PTGFRN: variants seen among roughly 807,000 people sequenced by gnomAD.
The protein encoded by PTGFRN is prostaglandin F2 receptor inhibitor, also known as prostaglandin F2 receptor negative regulator.
A neutral mutation model predicts 83.2 loss-of-function variants in PTGFRN; 35 were observed. That is an observed-to-expected ratio of 0.42 (90% CI 0.32 to 0.56). The LOEUF (loss-of-function observed/expected upper bound fraction) is 0.56, where lower values mean the gene tolerates loss of function less well. PTGFRN is among the 20% of genes least tolerant of loss of function. The probability of loss-of-function intolerance (pLI) is 0.11; values close to 1 mark genes in which losing one functional copy is unlikely to be tolerated. For missense variants in PTGFRN, 1,051 were observed against 1,179.5 expected, an observed-to-expected ratio of 0.89 and a Z score of 1.60; for synonymous variants, 519 against 498.6, an observed-to-expected ratio of 1.04 and a Z score of -0.55.
chr1:116,927,525 C>CTTTTTTTTT (rs1171564821), intron 1 of PTGFRN, among the ~76,000 whole-genome samples: 2,866 of 124,200 alleles, frequency 0.023, 459 homozygotes, highest in African/African-American at 0.11. Context: ...CCTTGCTTAC[C>CTTTTTTTTT]TTTTTTTTTT....
In PTGFRN at chr1:116,984,781, A is replaced by C; in HGVS notation, c.2269A>C (p.Thr757Pro). 6.2e-7 allele frequency: 1 copy of C among 1,613,246 alleles called. No individual in the cohort carries two copies. The highest frequency in any genetic ancestry group is 8.5e-7 in the Non-Finnish European group (1 of 1,179,830). The part of the protein sequence containing the change: ...SSLDRKGIVT[T>P]SRRDWKSDLS... ...CCTGGATCGGAAGGGCATCGTGACC[A>C]CCTCCCGGAGGGACTGGAAGAGCGA... Residue 757 changes from threonine (T) to proline (P), a missense_variant, in exon 8 of 9, where the codon ACC (threonine) becomes CCC (proline). Thr to Pro is a conservative substitution (Grantham distance 38). This residue lies in a region of PTGFRN where 719 missense variants were observed against 836.6 expected (regional missense o/e 0.86). Transcript: ENST00000393203.
chr1:116,985,474 G>A (rs977958890), intron 8 of PTGFRN, among the ~76,000 whole-genome samples: 51 of 152,094 alleles, frequency 3.4e-4, no homozygotes, highest in African/African-American at 1.2e-3. Flanking sequence ...CGAGGCGGGC[G>A]GATCATGAGG....
At chr1:116,974,891 A>G (rs185863562) in intron 7 of PTGFRN, among the ~76,000 whole-genome samples, 79 of 152,240 alleles carry the variant, frequency 5.2e-4, no homozygotes, top group African/African-American at 1.8e-3. Flanking sequence ...GACAGTAGGT[A>G]CAGCCCACCG....
At chr1:116,967,628 T>C (rs1041563869) in intron 6 of PTGFRN, among the ~76,000 whole-genome samples, 1 of 152,212 alleles carries the variant, frequency 6.6e-6, no homozygotes, top group Non-Finnish European at 1.5e-5. Context: ...TGATCTACTT[T>C]CTGTCTCTAT....
chr1:116,961,166 T>G lies in PTGFRN; in HGVS notation c.1214-77T>G. On this transcript the variant is annotated intron_variant, in intron 4 of 8. Transcript: ENST00000393203. This position sits in a 1 kb window ranked among gnomAD's most constrained non-coding sequence, Gnocchi z 5.4. ...TAATTGTTAAAACAAGAGCAGTCCT[T>G]GTCTCATTCCTTTTGTTAATTCTTG... 7.1e-7 allele frequency: 1 copy of G among 1,413,716 alleles called. No individual in the cohort carries two copies. The highest frequency in any genetic ancestry group is 9.5e-7 in the Non-Finnish European group (1 of 1,056,086). 87.6% of individuals were successfully genotyped at this position (1,413,716 alleles called of 1,614,324 possible). A position where few individuals can be genotyped will look rare whatever the true frequency, so the allele number is the denominator to read the frequency against.
rs60366817 is a variant in PTGFRN, at chr1:116,987,571, CTTTTTTT to C, written c.*617_*623del. ...TATAACTTCTTATTGAGCCCAACTG[CTTTTTTT>C]TTTTTTTTTTTTGCTTCTCTGCCCC... On this transcript the variant is annotated 3_prime_UTR_variant, in exon 9 of 9. Transcript: ENST00000393203. 2 of 119,850 alleles carry C rather than the reference CTTTTTTT, an allele frequency of 1.7e-5. No individual in the cohort carries two copies. The highest frequency in any genetic ancestry group is 3.4e-5 in the Non-Finnish European group (2 of 58,008). The allele number at this position is 119,850 out of a possible 1,614,324, so 7.4% of individuals were successfully genotyped here.
chr1:116,936,598 G>A (rs1649926290), intron 1 of PTGFRN, among the ~76,000 whole-genome samples: 1 of 152,232 alleles, frequency 6.6e-6, no homozygotes, highest in Admixed American at 6.5e-5. Flanking sequence ...AGAGATGGAT[G>A]AGAGGGTATT....
chr1:116,922,059 G>C (rs1570645170), intron 1 of PTGFRN, among the ~76,000 whole-genome samples: 1 of 152,154 alleles, frequency 6.6e-6, no homozygotes, highest in Non-Finnish European at 1.5e-5. Flanking sequence ...TAAACTCTGG[G>C]GAAGGGAGGT....
chr1:116,935,797 C>T (rs1164220774), intron 1 of PTGFRN, among the ~76,000 whole-genome samples: 2 of 151,962 alleles, frequency 1.3e-5, no homozygotes, highest in Non-Finnish European at 2.9e-5. Flanking sequence ...GGTCCATCAA[C>T]AGGTATTTTT....
In PTGFRN at chr1:116,967,009, T is replaced by G; in HGVS notation, c.1738T>G (p.Ser580Ala). The change falls in exon 6 of 9, where the codon TCG (serine) becomes GCG (alanine). Residue 580 changes from serine (S) to alanine (A), a missense_variant. This residue lies in a region of PTGFRN where 719 missense variants were observed against 836.6 expected (regional missense o/e 0.86). Coordinates refer to ENST00000393203, the MANE Select transcript of PTGFRN (RefSeq NM_020440.4). ...TCKVSSKNIK[S>A]PRYSVLIMAE... ...CAAAGTATCTTCCAAGAATATTAAG[T>G]CGCCACGCTACTCTGTTCTCATCAT... is the stretch of plus-strand genomic sequence containing the variant. 1.2e-6 allele frequency: 2 copies of G among 1,614,190 alleles called. No individual in the cohort carries two copies. The highest frequency in any genetic ancestry group is 1.7e-6 in the Non-Finnish European group (2 of 1,180,040).
chr1:116,947,737 G>A (rs1361350996), intron 3 of PTGFRN, among the ~76,000 whole-genome samples: 1 of 152,196 alleles, frequency 6.6e-6, no homozygotes, highest in Non-Finnish European at 1.5e-5. Context: ...CTGGCCACAA[G>A]CTTTGACTGT....
At position 116,945,744 on chromosome 1, in the gene PTGFRN, CTT is replaced by C. The variant is rs5777292; in HGVS notation, c.832+668_832+669del. 2.3e-3 allele frequency among the ~76,000 whole-genome samples: 305 copies of C among 130,316 alleles called. 2 individuals carry two copies. Among genetic ancestry groups the C allele is most frequent in the African/African-American group, 7.3e-3 (260 of 35,578 alleles). 85.5% of individuals were successfully genotyped at this position (130,316 alleles called of 152,430 possible). ...CTTTGTCCTGTCGTCTGTGAATCAG[CTT>C]TTTTTTTTTTTTTTTCAAACCCTCT... On this transcript the variant is annotated intron_variant, in intron 3 of 8. Transcript: ENST00000393203.
chr1:116,978,978 C>T (rs943932750), intron 7 of PTGFRN, among the ~76,000 whole-genome samples: 14 of 152,274 alleles, frequency 9.2e-5, no homozygotes, highest in East Asian at 1.9e-4. Context: ...AAAACCCCAT[C>T]GTCTCAGCCC....
chr1:116,928,642 C>CA (rs139448794), intron 1 of PTGFRN, among the ~76,000 whole-genome samples: 7,122 of 152,274 alleles, frequency 0.047, 214 homozygotes, highest in Non-Finnish European at 0.07. Context: ...CAGCTCAGCT[C>CA]TCCTTTGTGT....
At chr1:116,966,037 A>G (rs535091858) in intron 5 of PTGFRN, among the ~76,000 whole-genome samples, 1 of 152,328 alleles carries the variant, frequency 6.6e-6, no homozygotes, top group South Asian at 2.1e-4. Flanking sequence ...TAAAAATCTC[A>G]TCTTGTAACT....
At chr1:116,950,572 C>T (rs1204126999) in intron 4 of PTGFRN, among the ~76,000 whole-genome samples, 1 of 152,174 alleles carries the variant, frequency 6.6e-6, no homozygotes, top group East Asian at 1.9e-4. Flanking sequence ...CTATGACCTC[C>T]AACTCATACT....
chr1:116,933,298 A>T (rs1649842816), intron 1 of PTGFRN, among the ~76,000 whole-genome samples: 1 of 151,534 alleles, frequency 6.6e-6, no homozygotes, highest in African/African-American at 2.4e-5. Context: ...TCTAGAGATT[A>T]GAACACGTAT....
At position 116,987,205 on chromosome 1, in the gene PTGFRN, A is replaced by T; in HGVS notation, c.*238A>T. ...TAACAATCGAGTGTGTGTTTTCCCA[A>T]CTGCAGCTTTTTAATGGTTAACCTT... is the stretch of plus-strand genomic sequence containing the variant. On this transcript the variant is annotated 3_prime_UTR_variant, in exon 9 of 9. Coordinates refer to ENST00000393203, the MANE Select transcript of PTGFRN (RefSeq NM_020440.4). 2.1e-6 allele frequency: 1 copy of T among 466,756 alleles called. No individual in the cohort carries two copies. 28.9% of individuals were successfully genotyped at this position (466,756 alleles called of 1,614,324 possible).
chr1:116,914,836 CTGAG>C (rs1649360323), intron 1 of PTGFRN, among the ~76,000 whole-genome samples: 1 of 148,468 alleles, frequency 6.7e-6, no homozygotes. Flanking sequence ...TCTCTGCATA[CTGAG>C]TATTTTGTTT....
Sources: gnomAD v4.1 joint callset for allele counts (sites outside exome capture counted in the v4.1 genomes callset) on GRCh38, gnomAD v4.1.1 for gene constraint, gnomAD v4.1.1 regional missense constraint, Gnocchi (gnomAD v3.1) non-coding constraint, MANE v1.5 for transcripts, NCBI Gene and HGNC (gene_info 2026-07-23, HGNC 2026-07-21) for gene names.